ARHGAP29: variants seen among roughly 807,000 people sequenced by gnomAD.
ARHGAP29 encodes rho GTPase-activating protein 29.
Under a neutral mutation model 122.6 loss-of-function variants are expected in ARHGAP29, and 43 were observed. That is an observed-to-expected ratio of 0.35 (90% confidence interval 0.27 to 0.45). The LOEUF is 0.45. ARHGAP29 is among the 20% of genes least tolerant of loss of function. The probability of loss-of-function intolerance (pLI) is 1.00; values close to 1 mark genes in which losing one functional copy is unlikely to be tolerated. For synonymous variants in ARHGAP29, 506 were observed against 497.1 expected (o/e 1.02, Z -0.24); for missense variants, 1,303 against 1,477.2 (o/e 0.88, Z 1.93).
At chr1:94,270,495 A>C (rs1654947491) in intron 1 of ARHGAP29, among the ~76,000 whole-genome samples, 1 of 152,212 alleles carries the variant, frequency 6.6e-6, no homozygotes, top group Non-Finnish European at 1.5e-5. Flanking sequence ...ACAGTCAGAC[A>C]TTCCCAGCAA....
chr1:94,208,701 C>G, intron 5 of ARHGAP29, 131 bp downstream of exon 5: 1 of 741,462 alleles, frequency 1.3e-6, no homozygotes, highest in Non-Finnish European at 2.3e-6. Flanking sequence ...TTCAGACAAT[C>G]CGCCCACCTC....
upstream of ARHGAP29, among the ~76,000 whole-genome samples, chr1:94,242,371 T>A (rs573253181): frequency 6.6e-6 from 1 of 152,122 alleles, no homozygotes; most frequent in Non-Finnish European, 1.5e-5. Context: ...ATAATTTTTT[T>A]AAAAGCTGAT....
chr1:94,279,029 G>T (rs762290061), upstream of ARHGAP29, among the ~76,000 whole-genome samples: 5 of 152,212 alleles, frequency 3.3e-5, no homozygotes, highest in Non-Finnish European at 5.9e-5. Context: ...AGGAATCAAA[G>T]TAGTGACTAA....
At chr1:94,187,187 CAAAGCATGTTTG>C (rs1557845408) in intron 15 of ARHGAP29, among the ~76,000 whole-genome samples, 1 of 152,126 alleles carries the variant, frequency 6.6e-6, no homozygotes, top group African/African-American at 2.4e-5. Context: ...CCATATGTAT[CAAAGCATGTTTG>C]GAAGCAGCTC....
chr1:94,214,386 C>T (rs1651833042), intron 3 of ARHGAP29, among the ~76,000 whole-genome samples: 1 of 152,176 alleles, frequency 6.6e-6, no homozygotes, highest in Non-Finnish European at 1.5e-5. Flanking sequence ...CACTTCCATA[C>T]CTTTGAGGGA....
chr1:94,273,541 A>G (rs1351685591), intron 1 of ARHGAP29, among the ~76,000 whole-genome samples: 1 of 152,242 alleles, frequency 6.6e-6, no homozygotes, highest in Non-Finnish European at 1.5e-5. Flanking sequence ...GAAATTTAAT[A>G]GAACTGCTGT....
At chr1:94,266,835 C>T (rs775882748) in intron 1 of ARHGAP29, among the ~76,000 whole-genome samples, 17 of 152,156 alleles carry the variant, frequency 1.1e-4, no homozygotes, top group Admixed American at 5.9e-4. Flanking sequence ...CAACTATTTG[C>T]GAAAACCAAT....
At chr1:94,177,140 C>T (rs78141457) in intron 22 of ARHGAP29, 9 of 152,434 alleles carry the variant, frequency 5.9e-5, no homozygotes, top group African/African-American at 2.2e-4. Context: ...ATACACATCT[C>T]TGTGTTTAAT....
Position 94,252,130 on chromosome 1 carries a change from C to G in ARHGAP29, c.-32-20487G>C, listed in dbSNP as rs186679749. On this transcript the variant is annotated intron_variant and NMD_transcript_variant, in intron 1 of 25. Transcript: ENST00000552844. The stretch of plus-strand genomic sequence containing the variant: ...TGAGAGTTTTAATCAGATAAGAGAA[C>G]TATATTACATTGTTTGAGAAAGATT... 2.0e-5 allele frequency among the ~76,000 whole-genome samples: 3 copies of G among 152,242 alleles called. No homozygotes were observed. In the East Asian group the frequency reaches 5.8e-4, roughly 29 times the overall value.
At chr1:94,176,499 A>G (rs951059739) in intron 22 of ARHGAP29, 2 of 152,234 alleles carry the variant, frequency 1.3e-5, no homozygotes, top group Admixed American at 1.3e-4. Context: ...GAATGAGGAT[A>G]ATGCTATTTA....
At chr1:94,261,642 A>G (rs1168203273) in intron 1 of ARHGAP29, among the ~76,000 whole-genome samples, 2 of 152,168 alleles carry the variant, frequency 1.3e-5, no homozygotes, top group Non-Finnish European at 2.9e-5. Flanking sequence ...CAGGAACGCA[A>G]TTCCATTCAC....
intron 16 of ARHGAP29, among the ~76,000 whole-genome samples, chr1:94,186,268 C>T (rs1649795494): frequency 6.6e-6 from 1 of 152,180 alleles, no homozygotes; most frequent in Non-Finnish European, 1.5e-5. Context: ...ATACATTTTA[C>T]ATCCAGTAGT....
chr1:94,295,815 G>C, the ARHGAP29 span, among the ~76,000 whole-genome samples: 1 of 30,062 alleles, frequency 3.3e-5, no homozygotes, highest in Non-Finnish European at 8.0e-5. Context: ...ATTTGAGGTA[G>C]GAACTACTTA....
the ARHGAP29 span, among the ~76,000 whole-genome samples, chr1:94,301,482 A>C: frequency 6.6e-6 from 1 of 152,082 alleles, no homozygotes; most frequent in Non-Finnish European, 1.5e-5. Context: ...TCCTCATAGC[A>C]CCAGGAAGGA....
In ARHGAP29 at chr1:94,169,901, A is replaced by C. The variant is rs1648618953; in HGVS notation, c.*3968T>G. On this transcript the variant is annotated 3_prime_UTR_variant, in exon 23 of 23. Transcript: ENST00000260526. ...TCGGGGAAAATTTCAGCATGAAAAT[A>C]AGTGACAATAATACACTGTCACTGA... Among the ~76,000 whole-genome samples, 1 of 152,210 alleles carries C rather than the reference A, an allele frequency of 6.6e-6. No individual in the cohort carries two copies.
chr1:94,180,024 A>G, intron 19 of ARHGAP29, 67 bp from the exon 20 acceptor site: 1 of 1,063,966 alleles, frequency 9.4e-7, no homozygotes, highest in Non-Finnish European at 1.4e-6. Context: ...ACTATTACTA[A>G]CAGTTACAGA....
At chr1:94,260,107 A>G (rs1654501610) in intron 1 of ARHGAP29, among the ~76,000 whole-genome samples, 1 of 152,174 alleles carries the variant, frequency 6.6e-6, no homozygotes, top group African/African-American at 2.4e-5. Flanking sequence ...ACCAATGTCT[A>G]CCACCATTTG....
chr1:94,213,434 G>A (rs139465490), intron 3 of ARHGAP29, among the ~76,000 whole-genome samples: 46 of 152,200 alleles, frequency 3.0e-4, no homozygotes, highest in African/African-American at 8.9e-4. Flanking sequence ...TGCCCGCCTC[G>A]GCCTGCCAAA....
chr1:94,234,039 A>T (rs1653101059), intron 1 of ARHGAP29, among the ~76,000 whole-genome samples: 1 of 152,172 alleles, frequency 6.6e-6, no homozygotes, highest in Non-Finnish European at 1.5e-5. Flanking sequence ...ACGTTCCTGG[A>T]CCATCCCCAT....
Sources: gnomAD v4.1 joint callset for allele counts (sites outside exome capture counted in the v4.1 genomes callset) on GRCh38, gnomAD v4.1.1 for gene constraint, MANE v1.5 for transcripts, NCBI Gene and HGNC (gene_info 2026-07-23, HGNC 2026-07-21) for gene names.